The following TMEM177 variants were observed in gnomAD, a reference collection of about 807,000 sequenced individuals.
TMEM177 encodes the protein transmembrane protein 177.
Under a neutral mutation model 14.2 loss-of-function variants are expected in TMEM177, and 4 were observed. The observed-to-expected ratio is 0.28, with a 90% CI of 0.14 to 0.64. TMEM177 has a LOEUF of 0.64. Among genes scored for constraint, TMEM177 ranks in the 30% least tolerant of loss-of-function variants. The pLI, the probability that TMEM177 is intolerant of heterozygous loss-of-function variation, is 0.82. For missense variants in TMEM177, 344 were observed against 405.2 expected (o/e 0.85, Z 1.30); for synonymous variants, 179 against 174.5 (o/e 1.03, Z -0.20).
the TMEM177 span, among the ~76,000 whole-genome samples, chr2:119,705,264 C>T: frequency 2.0e-5 from 3 of 152,204 alleles, no homozygotes; most frequent in African/African-American, 7.2e-5. Flanking sequence ...TTCCTGGGCA[C>T]AGCCTAGCTG....
downstream of TMEM177, among the ~76,000 whole-genome samples, chr2:119,689,814 CAG>C (rs1267859630): frequency 4.6e-5 from 7 of 152,138 alleles, no homozygotes; most frequent in Non-Finnish European, 1.0e-4. Context: ...GTAATGTGAA[CAG>C]AGAGAATTTA....
chr2:119,716,113 G>A, the TMEM177 span, among the ~76,000 whole-genome samples: 1 of 152,190 alleles, frequency 6.6e-6, no homozygotes, highest in African/African-American at 2.4e-5. Context: ...AGTGATATCC[G>A]AGAGTGATCT....
At chr2:119,707,128 G>A in the TMEM177 span, among the ~76,000 whole-genome samples, 1 of 152,000 alleles carries the variant, frequency 6.6e-6, no homozygotes, top group Non-Finnish European at 1.5e-5. Context: ...AGCCAGGCTG[G>A]TCTCGAACTA....
chr2:119,710,149 A>T, the TMEM177 span, among the ~76,000 whole-genome samples: 1 of 152,126 alleles, frequency 6.6e-6, no homozygotes, highest in East Asian at 1.9e-4. Flanking sequence ...TTTGATGTGG[A>T]TTTCACCCCA....
At chr2:119,696,950 C>T in the TMEM177 span, among the ~76,000 whole-genome samples, 24 of 152,196 alleles carry the variant, frequency 1.6e-4, no homozygotes, top group African/African-American at 5.6e-4. Context: ...TCTAGCTTCA[C>T]TCTGTTGTTG....
chr2:119,705,618 C>CTGTGTGTGTG, the TMEM177 span, among the ~76,000 whole-genome samples: 8 of 32,546 alleles, frequency 2.5e-4, no homozygotes, highest in East Asian at 7.7e-3. Context: ...CCACTCAGAT[C>CTGTGTGTGTG]CGTGTGTGTG....
In TMEM177 at chr2:119,681,443, C is replaced by G. The variant is rs746933241; in HGVS notation, c.590C>G (p.Pro197Arg). 6.2e-7 allele frequency: 1 copy of G among 1,613,730 alleles called. No individual in the cohort carries two copies. Among genetic ancestry groups the G allele is most frequent in the Non-Finnish European group, 8.5e-7 (1 of 1,180,050 alleles). The stretch of plus-strand genomic sequence containing the variant: ...TACACCCTGGGGCTCCATGCAGGCC[C>G]CATGAATTTACGGGCTGCCTTCAGC... Reference protein sequence around the residue: ...AKYTLGLHAGPMNLRAAFSLV... With the variant: ...AKYTLGLHAGRMNLRAAFSLV... Residue 197 changes from proline (P) to arginine (R), a missense_variant, in exon 2 of 2, where the codon CCC (proline) becomes CGC (arginine). Pro to Arg is a moderately radical substitution (Grantham distance 103). Coordinates refer to ENST00000272521, the MANE Select transcript of TMEM177 (RefSeq NM_030577.3).
the TMEM177 span, among the ~76,000 whole-genome samples, chr2:119,707,197 G>T: frequency 6.6e-6 from 1 of 152,138 alleles, no homozygotes; most frequent in Non-Finnish European, 1.5e-5. Context: ...CCTGAGACTT[G>T]CCTTTTTATT....
the TMEM177 span, chr2:119,700,228 A>G: frequency 6.2e-6 from 1 of 160,216 alleles, no homozygotes; most frequent in Non-Finnish European, 1.4e-5. Flanking sequence ...GAATGGGAAC[A>G]AGAGGTGGGT....
At chr2:119,707,327 A>G in the TMEM177 span, among the ~76,000 whole-genome samples, 1 of 152,190 alleles carries the variant, frequency 6.6e-6, no homozygotes, top group Non-Finnish European at 1.5e-5. Flanking sequence ...TGGGCACATT[A>G]TCAGCCTGAA....
the TMEM177 span, among the ~76,000 whole-genome samples, chr2:119,697,381 T>C: frequency 6.6e-6 from 1 of 152,104 alleles, no homozygotes; most frequent in Non-Finnish European, 1.5e-5. Flanking sequence ...GGCAACATGG[T>C]GAAACCCCAT....
downstream of TMEM177, among the ~76,000 whole-genome samples, chr2:119,684,936 G>A (rs760209750): frequency 6.6e-6 from 1 of 152,120 alleles, no homozygotes. Context: ...GGGCTTTGTC[G>A]CTAAGTTGGG....
chr2:119,695,869 A>C, the TMEM177 span, among the ~76,000 whole-genome samples: 1 of 152,216 alleles, frequency 6.6e-6, no homozygotes, highest in African/African-American at 2.4e-5. Context: ...GAGTCCTGGC[A>C]TTGCCCCCAT....
chr2:119,687,337 T>C (rs150415796), downstream of TMEM177, among the ~76,000 whole-genome samples: 2,138 of 152,332 alleles, frequency 0.014, 22 homozygotes, highest in Non-Finnish European at 0.021. Flanking sequence ...CAGATGAGAC[T>C]GCATGTATTA....
Position 119,681,976 on chromosome 2 carries a change from G to C in TMEM177, c.*187G>C. On this transcript the variant is annotated 3_prime_UTR_variant, in exon 2 of 2. Coordinates refer to ENST00000272521, the MANE Select transcript of TMEM177 (RefSeq NM_030577.3). ...CAGGGACTATGAGGGACTATTCAGG[G>C]GCTATGAATCTGAGCCTTTGTTTCT... 1.7e-6 allele frequency: 1 copy of C among 599,624 alleles called. No individual in the cohort carries two copies. The highest frequency in any genetic ancestry group is 3.0e-6 in the Non-Finnish European group (1 of 334,746). 37.1% of individuals were successfully genotyped at this position (599,624 alleles called of 1,614,324 possible).
chr2:119,708,869 A>G, the TMEM177 span, among the ~76,000 whole-genome samples: 20 of 152,098 alleles, frequency 1.3e-4, no homozygotes, highest in African/African-American at 4.8e-4. Context: ...ATTGTTTTCT[A>G]CATTTCTTTG....
At chr2:119,695,315 C>T in the TMEM177 span, among the ~76,000 whole-genome samples, 1 of 152,238 alleles carries the variant, frequency 6.6e-6, no homozygotes, top group Admixed American at 6.5e-5. Flanking sequence ...ATGTAAGGAG[C>T]TGTTTTCATT....
the TMEM177 span, among the ~76,000 whole-genome samples, chr2:119,706,349 G>A: frequency 1.3e-5 from 2 of 152,104 alleles, no homozygotes; most frequent in Non-Finnish European, 2.9e-5. Context: ...ATTTGTTGCT[G>A]GTTTCCTGTG....
At chr2:119,697,037 A>G in the TMEM177 span, among the ~76,000 whole-genome samples, 1 of 152,250 alleles carries the variant, frequency 6.6e-6, no homozygotes, top group East Asian at 1.9e-4. Flanking sequence ...ATGGCCAGAC[A>G]CAGACCTGGC....
Sources: allele counts gnomAD v4.1 joint callset (sites outside exome capture counted in the v4.1 genomes callset), GRCh38; gene constraint gnomAD v4.1.1; transcripts MANE v1.5; gene names NCBI Gene and HGNC (gene_info 2026-07-23, HGNC 2026-07-21).